The following TIAM1 variants were observed in gnomAD, a reference collection of about 807,000 sequenced individuals.
TIAM1 encodes rho guanine nucleotide exchange factor TIAM1.
A neutral mutation model predicts 163.5 loss-of-function variants in TIAM1; 65 were observed. That is an observed-to-expected ratio of 0.40 (90% CI 0.33 to 0.49). TIAM1 has a LOEUF of 0.49. Ranked by LOEUF, TIAM1 falls within the 20% of genes least tolerant of loss-of-function variation. TIAM1 has a pLI of 0.77. For missense variants in TIAM1, 1,789 were observed against 2,044.7 expected, an observed-to-expected ratio of 0.87 and a Z score of 2.41; for synonymous variants, 833 against 810.1, an observed-to-expected ratio of 1.03 and a Z score of -0.48.
chr21:31,217,388 G>A (rs1296974594), intron 9 of TIAM1, among the ~76,000 whole-genome samples, 165 bp downstream of exon 9: 1 of 152,054 alleles, frequency 6.6e-6, no homozygotes, highest in African/African-American at 2.4e-5. Context: ...CAATGTTATG[G>A]GTATGCATTA....
At chr21:31,424,808 T>C (rs1180453485) in intron 2 of TIAM1, among the ~76,000 whole-genome samples, 2 of 152,218 alleles carry the variant, frequency 1.3e-5, no homozygotes, top group Non-Finnish European at 2.9e-5. Context: ...CCCAGCACTT[T>C]TGGAGGCCAA....
At chr21:31,261,192 C>G (rs998506504) in intron 4 of TIAM1, among the ~76,000 whole-genome samples, 1 of 151,734 alleles carries the variant, frequency 6.6e-6, no homozygotes, top group African/African-American at 2.4e-5. Context: ...GTTATCCTGG[C>G]CATCTCTCTC....
At position 31,305,398 on chromosome 21, in the gene TIAM1, T is replaced by A. The variant is rs115103750; in HGVS notation, c.-188-28490A>T. Among the ~76,000 whole-genome samples, 934 of 150,236 alleles carry A rather than the reference T, an allele frequency of 6.2e-3. 8 individuals carry two copies. The highest frequency in any genetic ancestry group is 0.022 in the African/African-American group (903 of 40,640). On this transcript the variant is annotated intron_variant, in intron 2 of 27. Transcript: ENST00000541036. ...AGCAAATAGATTAGGGAAGGAGCGA[T>A]GGGCATTAACTCTGAAATAAAAATA...
chr21:31,466,587 G>C (rs1394155875), intron 1 of TIAM1, among the ~76,000 whole-genome samples: 1 of 152,138 alleles, frequency 6.6e-6, no homozygotes, highest in East Asian at 1.9e-4. Flanking sequence ...GTAACTCCAG[G>C]GAACAGAGGT....
At chr21:31,152,046 TTG>T (rs1186387349) in intron 19 of TIAM1, among the ~76,000 whole-genome samples, 854 of 20,002 alleles carry the variant, frequency 0.043, 70 homozygotes, top group African/African-American at 0.15. Context: ...TTTTTTTTTT[TTG>T]TAAGACGGAG....
At chr21:31,327,366 G>T (rs772318937) in intron 2 of TIAM1, among the ~76,000 whole-genome samples, 1 of 152,108 alleles carries the variant, frequency 6.6e-6, no homozygotes. Context: ...TGGGCTGGGC[G>T]CAGTGGCTCA....
At chr21:31,490,431 T>C (rs117705838) in intron 1 of TIAM1, among the ~76,000 whole-genome samples, 1,607 of 146,980 alleles carry the variant, frequency 0.011, 18 homozygotes, top group Non-Finnish European at 0.019. Context: ...GGACTGGACC[T>C]AGCCTTTACA....
intron 15 of TIAM1, among the ~76,000 whole-genome samples, chr21:31,179,815 G>A (rs1251874899): frequency 1.3e-5 from 2 of 150,958 alleles, no homozygotes; most frequent in Non-Finnish European, 2.9e-5. Flanking sequence ...TGCATTTCAA[G>A]ATTTATTCAA....
intron 1 of TIAM1, among the ~76,000 whole-genome samples, chr21:31,471,562 G>T (rs1569360972): frequency 6.6e-6 from 1 of 152,156 alleles, no homozygotes; most frequent in Non-Finnish European, 1.5e-5. Context: ...AGTTCCACAG[G>T]GCCCTTGCCC....
intron 2 of TIAM1, among the ~76,000 whole-genome samples, chr21:31,436,413 A>T (rs2044210100): frequency 6.6e-6 from 1 of 152,152 alleles, no homozygotes; most frequent in South Asian, 2.1e-4. Context: ...TAAGGCAGGC[A>T]GTCAGCAGTT....
intron 1 of TIAM1, among the ~76,000 whole-genome samples, chr21:31,512,621 T>C (rs1284803689): frequency 7.7e-6 from 1 of 129,726 alleles, no homozygotes; most frequent in East Asian, 2.6e-4. Context: ...TCTTTTCTTT[T>C]TTTTTTTTTT....
intron 2 of TIAM1, among the ~76,000 whole-genome samples, chr21:31,394,118 G>C (rs2147201685): frequency 6.6e-6 from 1 of 152,280 alleles, no homozygotes; most frequent in East Asian, 1.9e-4. Context: ...CCTTCAGCAG[G>C]TGAAGGGATA....
chr21:31,185,682 T>C (rs1178891337), intron 14 of TIAM1, among the ~76,000 whole-genome samples: 1 of 147,894 alleles, frequency 6.8e-6, no homozygotes, highest in Admixed American at 6.9e-5. Flanking sequence ...ATTATAATTA[T>C]ATAATAATTA....
At chr21:31,312,647 T>G (rs932805310) in intron 2 of TIAM1, among the ~76,000 whole-genome samples, 5 of 152,284 alleles carry the variant, frequency 3.3e-5, no homozygotes, top group Admixed American at 1.3e-4. Context: ...AATCCATCCA[T>G]AATAATAGGG....
At chr21:31,394,188 G>A (rs1266261344) in intron 2 of TIAM1, among the ~76,000 whole-genome samples, 1 of 152,128 alleles carries the variant, frequency 6.6e-6, no homozygotes, top group Non-Finnish European at 1.5e-5. Flanking sequence ...AAATGAGCTA[G>A]CAAGCCACAG....
intron 13 of TIAM1, 100 bp from the exon 14 acceptor site, chr21:31,187,187 G>T: frequency 9.1e-7 from 1 of 1,102,744 alleles, no homozygotes; most frequent in Non-Finnish European, 1.4e-6. Flanking sequence ...TTTCATGTTT[G>T]TCATTATAGT....
intron 2 of TIAM1, among the ~76,000 whole-genome samples, chr21:31,354,906 T>C (rs2076290818): frequency 6.6e-6 from 1 of 152,120 alleles, no homozygotes; most frequent in African/African-American, 2.4e-5. Flanking sequence ...AGATAAGTCA[T>C]CTCTGACTTT....
chr21:31,163,984 G>C (rs1005001053), intron 16 of TIAM1, among the ~76,000 whole-genome samples: 1 of 152,210 alleles, frequency 6.6e-6, no homozygotes, highest in African/African-American at 2.4e-5. Context: ...GGGCAGTGTC[G>C]TTTGGATTCA....
chr21:31,387,948 C>T (rs2076903892), intron 2 of TIAM1, among the ~76,000 whole-genome samples: 7 of 152,076 alleles, frequency 4.6e-5, no homozygotes. Flanking sequence ...TTCTGTGACA[C>T]AATGGTGAGT....
Sources: gnomAD v4.1 joint callset for allele counts (sites outside exome capture counted in the v4.1 genomes callset) on GRCh38, gnomAD v4.1.1 for gene constraint, MANE v1.5 for transcripts, NCBI Gene and HGNC (gene_info 2026-07-23, HGNC 2026-07-21) for gene names.